CLIP2: variants seen among roughly 807,000 people sequenced by gnomAD.
The protein encoded by CLIP2 is CAP-Gly domain containing linker protein 2.
A neutral mutation model predicts 111.7 loss-of-function variants in CLIP2; 41 were observed. That is an observed-to-expected ratio of 0.37 (90% CI 0.29 to 0.48). The LOEUF (loss-of-function observed/expected upper bound fraction) is 0.48. CLIP2 is among the 20% of genes least tolerant of loss of function. CLIP2 has a pLI of 0.99. For synonymous variants in CLIP2, 660 were observed against 644.2 expected (o/e 1.02, Z -0.37); for missense variants, 1,160 against 1,422.1 (o/e 0.82, Z 2.96).
chr7:74,304,739 A>T (rs1311951854), intron 1 of CLIP2, among the ~76,000 whole-genome samples: 1 of 152,090 alleles, frequency 6.6e-6, no homozygotes, highest in Non-Finnish European at 1.5e-5. Context: ...GAATCACTTG[A>T]AGCCAGGAGT....
intron 8 of CLIP2, among the ~76,000 whole-genome samples, chr7:74,365,460 C>G (rs1180872959): frequency 6.6e-6 from 1 of 152,170 alleles, no homozygotes; most frequent in Non-Finnish European, 1.5e-5. Flanking sequence ...CTGTGTTTCT[C>G]GGCTCTGCTC....
In CLIP2 at chr7:74,338,888, C is replaced by T. The variant is rs868926534; in HGVS notation, c.562C>T (p.Arg188Trp). 6.2e-7 allele frequency: 1 copy of T among 1,605,858 alleles called. No individual in the cohort carries two copies. The highest frequency in any genetic ancestry group is 8.5e-7 in the Non-Finnish European group (1 of 1,179,902). ...GCTGACCAGCCGCGTCATCCCCCTG[C>T]GGGAGAGCGTCCTCAACAGCTCCGT... Reference protein sequence around the residue: ...PPLTSRVIPLRESVLNSSVKT... With the variant: ...PPLTSRVIPLWESVLNSSVKT... The change falls in exon 3 of 17, where the codon CGG becomes TGG. Residue 188 changes from arginine to tryptophan, a missense_variant. Arg to Trp is a moderately radical substitution (Grantham distance 101). Coordinates refer to ENST00000223398, the MANE Select transcript of CLIP2 (RefSeq NM_003388.5). This position sits in a 1 kb window ranked among gnomAD's most constrained non-coding sequence, Gnocchi z 4.3.
chr7:74,402,074 C>A (rs998771552), intron 16 of CLIP2, among the ~76,000 whole-genome samples: 23 of 152,140 alleles, frequency 1.5e-4, no homozygotes, highest in South Asian at 2.1e-4. Context: ...ACCAGCCTGG[C>A]CAATATGGTG....
chr7:74,375,268 A>G (rs1244184190), intron 9 of CLIP2, among the ~76,000 whole-genome samples: 11 of 150,676 alleles, frequency 7.3e-5, no homozygotes, highest in African/African-American at 2.7e-4. Flanking sequence ...AAAAAAAAAA[A>G]TGCTGGGCGG....
intron 1 of CLIP2, among the ~76,000 whole-genome samples, chr7:74,296,712 C>G (rs1788178663): frequency 2.0e-5 from 3 of 149,520 alleles, no homozygotes; most frequent in Non-Finnish European, 4.4e-5. Context: ...TTGCTTGAAC[C>G]CGGGAGGCAG....
chr7:74,380,885 C>T (rs372777452), intron 11 of CLIP2, 22 bp downstream of exon 11: 33 of 1,612,198 alleles, frequency 2.0e-5, no homozygotes, highest in African/African-American at 4.0e-5. Flanking sequence ...CCAGGCCGGG[C>T]GGGACTCTGG....
intron 3 of CLIP2, among the ~76,000 whole-genome samples, chr7:74,349,922 T>C (rs1464681366): frequency 1.3e-5 from 2 of 151,826 alleles, no homozygotes; most frequent in African/African-American, 4.8e-5. Flanking sequence ...GCCGTGTGAT[T>C]CCATTTCTAT....
At chr7:74,349,470 GTATATATATATATATATATATATATA>G (rs1158400867) in intron 3 of CLIP2, among the ~76,000 whole-genome samples, 25 of 33,790 alleles carry the variant, frequency 7.4e-4, no homozygotes, top group Admixed American at 1.8e-3. Context: ...GTGTGTGTGT[GTATATATATATATATATATATATATA>G]TATATATATA....
chr7:74,322,473 T>G (rs1788987469), intron 2 of CLIP2, among the ~76,000 whole-genome samples: 1 of 151,714 alleles, frequency 6.6e-6, no homozygotes, highest in South Asian at 2.1e-4. Flanking sequence ...CCTGGCATGG[T>G]GGTGGATGCC....
intron 1 of CLIP2, among the ~76,000 whole-genome samples, chr7:74,306,136 G>A (rs547449226): frequency 1.3e-5 from 2 of 152,234 alleles, no homozygotes; most frequent in South Asian, 2.1e-4. Context: ...CCTCTGCCCC[G>A]CAGGTGCTGC....
intron 9 of CLIP2, among the ~76,000 whole-genome samples, chr7:74,373,364 G>T (rs919250790): frequency 2.0e-5 from 3 of 152,146 alleles, no homozygotes; most frequent in African/African-American, 7.2e-5. Context: ...TGGGCGTGGT[G>T]GCTCATGCCT....
At chr7:74,320,932 T>C (rs1160365738) in intron 2 of CLIP2, among the ~76,000 whole-genome samples, 6 of 140,174 alleles carry the variant, frequency 4.3e-5, no homozygotes, top group African/African-American at 7.5e-5. Flanking sequence ...AGCCCAACCC[T>C]GGGGCTGGGG....
chr7:74,378,073 G>A (rs901947622), intron 10 of CLIP2, among the ~76,000 whole-genome samples: 3 of 151,870 alleles, frequency 2.0e-5, no homozygotes, highest in Non-Finnish European at 2.9e-5. Context: ...TGATCTGCCC[G>A]CCTCGGCCTC....
chr7:74,400,218 ACC>A, intron 14 of CLIP2, 150 bp from the exon 15 acceptor site: 1 of 537,634 alleles, frequency 1.9e-6, no homozygotes, highest in Non-Finnish European at 3.2e-6. Context: ...ACCATGGAGC[ACC>A]TCACAGAGGC....
At position 74,376,087 on chromosome 7, in the gene CLIP2, G is replaced by A; in HGVS notation, c.1686G>A (p.Val562=). 6.2e-7 allele frequency: 1 copy of A among 1,612,368 alleles called. No homozygotes were observed. The highest frequency in any genetic ancestry group is 1.1e-5 in the South Asian group (1 of 90,918). ...AGGAACACCAGAGGGAGAGTGGGGTGCTGCGGGATAAATACGAGAAGGCCC... is the reference window on the plus strand; with the variant it reads ...AGGAACACCAGAGGGAGAGTGGGGTACTGCGGGATAAATACGAGAAGGCCC... ...ASKEHQRESG[V]LRDKYEKALK... The change falls in exon 10 of 17, where the codon GTG becomes GTA. Residue 562 remains valine (V), a synonymous_variant. Coordinates refer to ENST00000223398, the MANE Select transcript of CLIP2 (RefSeq NM_003388.5). This position sits in a 1 kb window ranked among gnomAD's most constrained non-coding sequence, Gnocchi z 7.1.
At chr7:74,348,946 A>G (rs1266305467) in intron 3 of CLIP2, among the ~76,000 whole-genome samples, 2 of 151,642 alleles carry the variant, frequency 1.3e-5, no homozygotes, top group Non-Finnish European at 2.9e-5. Context: ...CAGGAGTTTG[A>G]GACCAGCCTG....
At chr7:74,400,312 C>G (rs1475117958) in intron 14 of CLIP2, 58 bp from the exon 15 acceptor site, 20 of 1,421,232 alleles carry the variant, frequency 1.4e-5, no homozygotes, top group Non-Finnish European at 1.8e-5. Flanking sequence ...AGAGTTGAGA[C>G]GCCCACCAAC....
intron 1 of CLIP2, among the ~76,000 whole-genome samples, chr7:74,310,101 A>G (rs1788606238): frequency 7.0e-6 from 1 of 143,260 alleles, no homozygotes; most frequent in Admixed American, 7.3e-5. Context: ...GTGATGGCGC[A>G]TGCCTGTAGT....
intron 3 of CLIP2, among the ~76,000 whole-genome samples, chr7:74,353,205 A>C (rs1461444106): frequency 3.3e-5 from 5 of 151,832 alleles, no homozygotes; most frequent in Non-Finnish European, 7.4e-5. Context: ...TTGAAGCTCT[A>C]GTATATACTA....
Sources: gnomAD v4.1 joint callset for allele counts (sites outside exome capture counted in the v4.1 genomes callset) on GRCh38, gnomAD v4.1.1 for gene constraint, Gnocchi (gnomAD v3.1) non-coding constraint, MANE v1.5 for transcripts, NCBI Gene and HGNC (gene_info 2026-07-23, HGNC 2026-07-21) for gene names.